PTPRK: variants seen among roughly 807,000 people sequenced by gnomAD.
PTPRK encodes the protein receptor-type tyrosine-protein phosphatase kappa.
In PTPRK, 75 loss-of-function variants were observed where a neutral mutation model predicts 178.0. The observed-to-expected ratio is 0.42, with a 90% CI of 0.35 to 0.51. The LOEUF (loss-of-function observed/expected upper bound fraction) is 0.51. Ranked by LOEUF, PTPRK falls within the 20% of genes least tolerant of loss-of-function variation. The pLI is 0.02. For synonymous variants in PTPRK, 637 were observed against 620.6 expected (o/e 1.03, Z -0.39); for missense variants, 1,441 against 1,797.8 (o/e 0.80, Z 3.59).
chr6:128,357,243 A>G (rs1479798182), intron 2 of PTPRK, among the ~76,000 whole-genome samples: 2 of 152,234 alleles, frequency 1.3e-5, no homozygotes, highest in African/African-American at 4.8e-5. Flanking sequence ...TGCTTATATT[A>G]AATCAAGGTT....
At chr6:128,186,594 C>A (rs930282826) in intron 6 of PTPRK, among the ~76,000 whole-genome samples, 1 of 152,076 alleles carries the variant, frequency 6.6e-6, no homozygotes, top group East Asian at 1.9e-4. Context: ...TCCAATTTCA[C>A]GACTGAATTC....
At chr6:128,432,217 T>C (rs1844922519) in intron 1 of PTPRK, among the ~76,000 whole-genome samples, 1 of 152,242 alleles carries the variant, frequency 6.6e-6, no homozygotes, top group African/African-American at 2.4e-5. Flanking sequence ...ATAGGTAGAC[T>C]GTGATAACTT....
At chr6:128,287,254 C>T (rs1257017854) in intron 3 of PTPRK, among the ~76,000 whole-genome samples, 2 of 152,100 alleles carry the variant, frequency 1.3e-5, no homozygotes, top group East Asian at 1.9e-4. Context: ...GTAGGGGGCA[C>T]CTCATTTGTT....
At chr6:128,511,942 C>G (rs781167305) in intron 1 of PTPRK, among the ~76,000 whole-genome samples, 1 of 152,176 alleles carries the variant, frequency 6.6e-6, no homozygotes, top group Non-Finnish European at 1.5e-5. Context: ...CAGTAAATTA[C>G]AGCTCATATT....
At chr6:128,469,557 A>T (rs1850336632) in intron 1 of PTPRK, among the ~76,000 whole-genome samples, 1 of 152,142 alleles carries the variant, frequency 6.6e-6, no homozygotes, top group African/African-American at 2.4e-5. Context: ...AACAAATAAG[A>T]CTTTGGCTGC....
intron 2 of PTPRK, among the ~76,000 whole-genome samples, chr6:128,327,481 C>A (rs150558677): frequency 6.6e-6 from 1 of 152,250 alleles, no homozygotes; most frequent in East Asian, 1.9e-4. Flanking sequence ...CTTCACAAAC[C>A]ACCTTCTCCA....
chr6:128,120,460 A>G (rs1792278580), intron 7 of PTPRK, among the ~76,000 whole-genome samples: 1 of 152,026 alleles, frequency 6.6e-6, no homozygotes, highest in African/African-American at 2.4e-5. Flanking sequence ...ATCTATCAAA[A>G]AGACAGCATA....
intron 4 of PTPRK, among the ~76,000 whole-genome samples, chr6:128,241,853 C>A (rs1814522341): frequency 6.7e-6 from 1 of 149,224 alleles, no homozygotes; most frequent in South Asian, 2.1e-4. Flanking sequence ...GCAATCTCAG[C>A]TCAGTGCAAC....
intron 2 of PTPRK, among the ~76,000 whole-genome samples, chr6:128,358,347 C>T (rs1418292442): frequency 1.3e-5 from 2 of 152,206 alleles, no homozygotes; most frequent in African/African-American, 4.8e-5. Flanking sequence ...CAGACCCTTG[C>T]TTTCAGTTCA....
intron 6 of PTPRK, among the ~76,000 whole-genome samples, chr6:128,205,639 G>T (rs1806802695): frequency 1.3e-5 from 2 of 151,238 alleles, no homozygotes; most frequent in African/African-American, 4.9e-5. Context: ...GGAGTGGTGG[G>T]GGGCACCTGT....
chr6:128,251,144 T>A (rs985651988), intron 3 of PTPRK, among the ~76,000 whole-genome samples: 4 of 152,214 alleles, frequency 2.6e-5, no homozygotes, highest in Non-Finnish European at 2.9e-5. Context: ...ACTTGTTTAC[T>A]TAGTTCCTGA....
intron 6 of PTPRK, among the ~76,000 whole-genome samples, chr6:128,195,003 A>ATG (rs745479231): frequency 5.9e-5 from 9 of 152,120 alleles, no homozygotes; most frequent in Non-Finnish European, 1.2e-4. Context: ...CTATTTATAG[A>ATG]TGTGTGTGTG....
chr6:128,461,096 A>G (rs915743781), intron 1 of PTPRK, among the ~76,000 whole-genome samples: 27 of 152,312 alleles, frequency 1.8e-4, no homozygotes, highest in Admixed American at 1.6e-3. Context: ...ATAATGGACC[A>G]ATTTAATCGA....
chr6:128,247,963 T>C, intron 3 of PTPRK, among the ~76,000 whole-genome samples: 1 of 152,250 alleles, frequency 6.6e-6, no homozygotes, highest in East Asian at 1.9e-4. Flanking sequence ...ATTTAAACAT[T>C]AAATTTTGCT....
intron 2 of PTPRK, among the ~76,000 whole-genome samples, chr6:128,332,815 G>C (rs1214982980): frequency 1.3e-5 from 2 of 151,712 alleles, no homozygotes; most frequent in Non-Finnish European, 1.5e-5. Flanking sequence ...CTCTTTCTTT[G>C]AAATCTGAAG....
chr6:128,042,115 T>C (rs553350444), intron 13 of PTPRK, among the ~76,000 whole-genome samples: 3 of 152,014 alleles, frequency 2.0e-5, no homozygotes, highest in Non-Finnish European at 2.9e-5. Context: ...ACTTTAACAT[T>C]CGTATTTCTA....
intron 13 of PTPRK, among the ~76,000 whole-genome samples, chr6:128,038,755 T>G (rs961293585): frequency 6.6e-6 from 1 of 152,170 alleles, no homozygotes; most frequent in African/African-American, 2.4e-5. Context: ...TTTTTCAAAG[T>G]GCAACAAAAT....
intron 1 of PTPRK, among the ~76,000 whole-genome samples, chr6:128,428,378 C>T (rs951710129): frequency 1.1e-4 from 17 of 152,170 alleles, no homozygotes; most frequent in East Asian, 7.7e-4. Flanking sequence ...TAAAGCCTAT[C>T]GTTATCTATT....
At chr6:128,175,918 T>C (rs1800996251) in intron 7 of PTPRK, among the ~76,000 whole-genome samples, 1 of 151,798 alleles carries the variant, frequency 6.6e-6, no homozygotes, top group Non-Finnish European at 1.5e-5. Flanking sequence ...TTGGCTGTTG[T>C]AGAAAGAAAA....
Sources: allele counts gnomAD v4.1 joint callset (sites outside exome capture counted in the v4.1 genomes callset), GRCh38; gene constraint gnomAD v4.1.1; transcripts MANE v1.5; gene names NCBI Gene and HGNC (gene_info 2026-07-23, HGNC 2026-07-21).